PPM1J: variants seen among roughly 807,000 people sequenced by gnomAD.
PPM1J encodes protein phosphatase, Mg2+/Mn2+ dependent 1J.
Under a neutral mutation model 53.3 loss-of-function variants are expected in PPM1J, and 43 were observed. That is an observed-to-expected ratio of 0.81 (90% CI 0.63 to 1.04). The LOEUF is 1.04. PPM1J is among the 50% of genes least tolerant of loss of function. The pLI, the probability that PPM1J is intolerant of heterozygous loss-of-function variation, is 0.00. For synonymous variants in PPM1J, 267 were observed against 286.4 expected (o/e 0.93, Z 0.68); for missense variants, 635 against 685.9 (o/e 0.93, Z 0.83).
rs1285180396 is a variant in PPM1J at position 112,712,326 on chromosome 1, G to A, written c.842+19C>T. 6.4e-7 allele frequency: 1 copy of A among 1,572,518 alleles called. No homozygotes were observed. Among genetic ancestry groups the A allele is most frequent in the South Asian group, 1.2e-5 (1 of 86,924 alleles). On this transcript the variant is annotated intron_variant, in intron 4 of 9. Transcript: ENST00000309276. ...GAGTGTGGCCCTCTGTCGCCACCTT[G>A]GAGCCCCCTCCCCCATACCTGCTAT...
rs1675054686 is a variant in PPM1J, at chr1:112,711,354, C to T, written c.958G>A (p.Glu320Lys). ...GFLKPELLGS[E>K]FTHLEFPRRV... is the part of the protein sequence containing the mutation. ...CGGGGGAACTCAAGGTGGGTGAATT[C>T]ACTGCCTAGCAGCTCTGGTTTCAGG... Residue 320 changes from glutamate to lysine, a missense_variant, in exon 6 of 10, where the codon GAA becomes AAA. Physicochemically the swap from Glu to Lys is moderately conservative, Grantham distance 56. Coordinates refer to ENST00000309276, the MANE Select transcript of PPM1J (RefSeq NM_005167.7). The T allele has an allele frequency of 6.9e-6, 11 of 1,604,472 alleles. No homozygotes were observed. The highest frequency in any genetic ancestry group is 9.4e-6 in the Non-Finnish European group (11 of 1,175,450).
At chr1:112,710,414 C>T (rs1289116562) in intron 9 of PPM1J, 46 bp downstream of exon 9, 3 of 1,611,840 alleles carry the variant, frequency 1.9e-6, no homozygotes, top group Admixed American at 3.3e-5. Context: ...TTTGACCCTT[C>T]TTTCACCAAT....
In PPM1J at chr1:112,715,321, CTCGG is replaced by C. The variant is rs1675177577; in HGVS notation, c.-24_-21del. ...TAGCATGCTGCCTCCCTGCCCCGCC[CTCGG>C]CCGCGGCCCCGCCCCCGCCCAGGCC... On this transcript the variant is annotated 5_prime_UTR_variant, in exon 1 of 10. Transcript: ENST00000309276. This position sits in a 1 kb window ranked among gnomAD's most constrained non-coding sequence, Gnocchi z 4.4. 1 of 1,231,994 alleles carries C rather than the reference CTCGG, an allele frequency of 8.1e-7. No homozygotes were observed. The highest frequency in any genetic ancestry group is 1.6e-5 in the African/African-American group (1 of 63,862). The allele number at this position is 1,231,994 out of a possible 1,614,324, so 76.3% of individuals were successfully genotyped here.
chr1:112,710,771 G>C lies in PPM1J; in HGVS notation c.1191C>G (p.Ile397Met), dbSNP rs1338043801. The C allele has an allele frequency of 1.2e-6, 2 of 1,614,028 alleles. No homozygotes were observed. Among genetic ancestry groups the C allele is most frequent in the East Asian group, 2.2e-5 (1 of 44,902 alleles). ...CAGGGAAGCAGGAGAGAAAGGGCTT[G>C]ATGGGCAGGGTGGAACTGCAGACCT... Reference protein sequence around the residue: ...SLKVCSSTLPIKPFLSCFPEV... With the variant: ...SLKVCSSTLPMKPFLSCFPEV... The change falls in exon 8 of 10, where the codon ATC becomes ATG. Residue 397 changes from isoleucine to methionine, a missense_variant. Physicochemically the swap from Ile to Met is conservative, Grantham distance 10. Coordinates refer to ENST00000309276, the MANE Select transcript of PPM1J (RefSeq NM_005167.7).
intron 2 of PPM1J, 38 bp from the exon 3 acceptor site, chr1:112,713,069 T>C: frequency 8.0e-7 from 1 of 1,245,536 alleles, no homozygotes; most frequent in South Asian, 1.4e-5. Context: ...TTTGTTTGTG[T>C]GTGTGTGTGT....
Position 112,711,063 on chromosome 1 carries a change from T to C in PPM1J, c.1055A>G (p.Lys352Arg), listed in dbSNP as rs1328604949. The C allele has an allele frequency of 1.9e-6, 3 of 1,614,018 alleles. No individual in the cohort carries two copies. In the South Asian group the frequency reaches 3.3e-5, roughly 18 times the overall value. The change falls in exon 7 of 10, where the codon AAA becomes AGA. Residue 352 changes from lysine (K) to arginine (R), a missense_variant. By Grantham distance (26) the Lys-to-Arg change is conservative. Transcript: ENST00000309276. ...RDQNMTGWAY[K>R]KIELEDLRFP... ...CCTGAGATCCTCCAGCTCGATCTTT[T>C]TGTAGGCCCTGGGGAGGGGGGAGTA...
rs11811875 is a variant in PPM1J, at chr1:112,712,461, C to A, written c.730-4G>T. ...GCTCCCGGGCCATCTGCTCATCCTG[C>A]CACATAAGGAAGGGTCAGAGGTGGG... is the stretch of plus-strand genomic sequence containing the variant. On this transcript the variant is annotated splice_region_variant and splice_polypyrimidine_tract_variant and intron_variant, in intron 3 of 9. Coordinates refer to ENST00000309276, the MANE Select transcript of PPM1J (RefSeq NM_005167.7). 0.014 allele frequency: 22,235 copies of A among 1,612,602 alleles called. 209 individuals are homozygous for A. Among genetic ancestry groups the A allele is most frequent in the South Asian group, 0.024 (2,172 of 90,964 alleles).
Position 112,710,995 on chromosome 1 carries a change from C to T in PPM1J, c.1110+13G>A. 1 of 1,612,910 alleles carries T rather than the reference C, an allele frequency of 6.2e-7. No individual in the cohort carries two copies. The highest frequency in any genetic ancestry group is 8.5e-7 in the Non-Finnish European group (1 of 1,178,910). On this transcript the variant is annotated intron_variant, in intron 7 of 9. Transcript: ENST00000309276. ...GTCCTCCTCCCCTCTCCCACCTCTACCATGGAGTTTACCTTTTTGCCCTCC... is the reference window on the plus strand; with the variant it reads ...GTCCTCCTCCCCTCTCCCACCTCTATCATGGAGTTTACCTTTTTGCCCTCC...
intron 7 of PPM1J, 68 bp downstream of exon 7, chr1:112,710,940 A>AC (rs1675041279): frequency 4.4e-6 from 7 of 1,574,386 alleles, no homozygotes; most frequent in Non-Finnish European, 6.1e-6. Context: ...CTCAGGTAGA[A>AC]CCTCCACCTC....
chr1:112,714,198 C>T (rs753817322), intron 1 of PPM1J: 3 of 988,650 alleles, frequency 3.0e-6, no homozygotes, highest in Non-Finnish European at 3.6e-6. Context: ...TACCCATAAA[C>T]TCCTCCCACA....
chr1:112,710,556 A>G lies in PPM1J; in HGVS notation c.1274T>C (p.Leu425Pro). The G allele has an allele frequency of 6.2e-7, 1 of 1,614,214 alleles. No individual in the cohort carries two copies. The highest frequency in any genetic ancestry group is 8.5e-7 in the Non-Finnish European group (1 of 1,180,032). The stretch of plus-strand genomic sequence containing the variant: ...GACATCCCACAGGCCATCTGTTCCC[A>G]GGACTAGCACATCATCTGGGCAGTG... The part of the protein sequence containing the change: ...YEHCPDDVLV[L>P]GTDGLWDVTT... Residue 425 changes from leucine (L) to proline (P), a missense_variant, in exon 9 of 10, where the codon CTG (leucine) becomes CCG (proline). By Grantham distance (98) the Leu-to-Pro change is moderately conservative. Coordinates refer to ENST00000309276, the MANE Select transcript of PPM1J (RefSeq NM_005167.7).
rs1675083583 is a variant in PPM1J, at chr1:112,712,350, A to G, written c.837T>C (p.Asp279=). Residue 279 remains aspartate (D), a synonymous_variant, in exon 4 of 10, where the codon GAT becomes GAC. Coordinates refer to ENST00000309276, the MANE Select transcript of PPM1J (RefSeq NM_005167.7). ...LGKVYVANAG[D]SRAIIVRNGE... The stretch of plus-strand genomic sequence containing the variant: ...TGGAGCCCCCTCCCCCATACCTGCT[A>G]TCGCCTGCATTGGCCACGTACACCT... The G allele has an allele frequency of 6.2e-7, 1 of 1,610,284 alleles. No homozygotes were observed. The highest frequency in any genetic ancestry group is 1.1e-5 in the South Asian group (1 of 90,406).
Position 112,715,047 on chromosome 1 carries a change from G to C in PPM1J, c.255C>G (p.Asp85Glu). Reference sequence around the variant, plus strand: ...GGCTTTGCACAGCCCGGCCCGCGTGGTCATCGGCGCGTCGCAGCCCCCCGG... The same window carrying C: ...GGCTTTGCACAGCCCGGCCCGCGTGCTCATCGGCGCGTCGCAGCCCCCCGG... Reference protein sequence around the residue: ...LSPGGLRRADDHAGRAVQSPP... With the variant: ...LSPGGLRRADEHAGRAVQSPP... Residue 85 changes from aspartate (D) to glutamate (E), a missense_variant, in exon 1 of 10, where the codon GAC (aspartate) becomes GAG (glutamate). Coordinates refer to ENST00000309276, the MANE Select transcript of PPM1J (RefSeq NM_005167.7). This position sits in a 1 kb window ranked among gnomAD's most constrained non-coding sequence, Gnocchi z 4.4. The C allele has an allele frequency of 6.5e-7, 1 of 1,535,020 alleles. No individual in the cohort carries two copies. The highest frequency in any genetic ancestry group is 8.7e-7 in the Non-Finnish European group (1 of 1,149,714).
chr1:112,713,822 A>G (rs566530266), intron 1 of PPM1J, among the ~76,000 whole-genome samples: 4 of 152,192 alleles, frequency 2.6e-5, no homozygotes, highest in East Asian at 3.9e-4. Flanking sequence ...CTTCACAGAA[A>G]GGCCAGCAGG....
rs367858764 is a variant in PPM1J, at chr1:112,710,423, A to G, written c.1370+37T>C. ...CTTCCCTTTGACCCTTCTTTCACCAATGCCATCCCCTTACCACCATGCCAT... is the reference window on the plus strand; with the variant it reads ...CTTCCCTTTGACCCTTCTTTCACCAGTGCCATCCCCTTACCACCATGCCAT... On this transcript the variant is annotated intron_variant, in intron 9 of 9. Coordinates refer to ENST00000309276, the MANE Select transcript of PPM1J (RefSeq NM_005167.7). 41 of 1,611,946 alleles carry G rather than the reference A, an allele frequency of 2.5e-5. No homozygotes were observed. In the African/African-American group the frequency reaches 4.8e-4, roughly 19 times the overall value.
Position 112,715,276 on chromosome 1 carries a change from ACGGCCGAGCGCACC to A in PPM1J, c.12_25del (p.Val5GlyfsTer53). On this transcript the variant is annotated frameshift_variant, in exon 1 of 10. Coordinates refer to ENST00000309276, the MANE Select transcript of PPM1J (RefSeq NM_005167.7). LOFTEE classifies it high-confidence loss of function. This position sits in a 1 kb window ranked among gnomAD's most constrained non-coding sequence, Gnocchi z 4.4. ...GCCCCCGGAGCTCACCAGGTGCGCCACGGCCGAGCGCACCCGGTTTAGCATGCTGCCTCCCTGCC... is the reference window on the plus strand; with the variant it reads ...GCCCCCGGAGCTCACCAGGTGCGCCACGGTTTAGCATGCTGCCTCCCTGCC... The A allele has an allele frequency of 7.6e-7, 1 of 1,324,468 alleles. No individual in the cohort carries two copies. The highest frequency in any genetic ancestry group is 9.6e-7 in the Non-Finnish European group (1 of 1,041,682). 82.0% of individuals were successfully genotyped at this position (1,324,468 alleles called of 1,614,324 possible).
At chr1:112,711,108 ATCAAAGCCCCTC>A in intron 6 of PPM1J, 37 bp from the exon 7 acceptor site, 3 of 1,592,960 alleles carry the variant, frequency 1.9e-6, no homozygotes, top group Non-Finnish European at 2.6e-6. Flanking sequence ...TCACCCAGGC[ATCAAAGCCCCTC>A]TCCCCTAGGA....
In PPM1J at chr1:112,710,832, A is replaced by C. The variant is rs759717929; in HGVS notation, c.1130T>G (p.Ile377Ser). 6.2e-7 allele frequency: 1 copy of C among 1,613,762 alleles called. No individual in the cohort carries two copies. The highest frequency in any genetic ancestry group is 1.3e-5 in the African/African-American group (1 of 74,892). Residue 377 changes from isoleucine to serine, a missense_variant, in exon 8 of 10, where the codon ATT becomes AGT. Ile to Ser is a moderately radical substitution (Grantham distance 142). Transcript: ENST00000309276. ...GTCTCCCAAGCCTCGGGTCACCCCA[A>C]TGGTGGCCATCACCCGAGCCTGAAA... ...EGKKARVMAT[I>S]GVTRGLGDHS... is the part of the protein sequence containing the mutation.
chr1:112,712,535 C>A, intron 3 of PPM1J, 78 bp from the exon 4 acceptor site: 1 of 1,346,690 alleles, frequency 7.4e-7, no homozygotes. Flanking sequence ...ACCCCCTCCA[C>A]CCGTAGAAAT....
Sources: gnomAD v4.1 joint callset for allele counts (sites outside exome capture counted in the v4.1 genomes callset) on GRCh38, gnomAD v4.1.1 for gene constraint, Gnocchi (gnomAD v3.1) non-coding constraint, MANE v1.5 for transcripts, NCBI Gene and HGNC (gene_info 2026-07-23, HGNC 2026-07-21) for gene names.